PPP1R21: variants seen among roughly 807,000 people sequenced by gnomAD.
The protein encoded by PPP1R21 is protein phosphatase 1 regulatory subunit 21.
A neutral mutation model predicts 112.8 loss-of-function variants in PPP1R21; 85 were observed. That is an observed-to-expected ratio of 0.75 (90% CI 0.63 to 0.90). The LOEUF is 0.90. PPP1R21 is among the 40% of genes least tolerant of loss of function. The pLI, the probability that PPP1R21 is intolerant of heterozygous loss-of-function variation, is 0.00. For synonymous variants in PPP1R21, 381 were observed against 322.3 expected (o/e 1.18, Z -1.95); for missense variants, 1,199 against 901.5 (o/e 1.33, Z -4.23).
chr2:48,511,568 A>G, intron 21 of PPP1R21, 100 bp downstream of exon 21: 1 of 1,435,056 alleles, frequency 7.0e-7, no homozygotes. Flanking sequence ...TAAGATTTAA[A>G]GTGTTTGTAA....
At chr2:48,460,523 G>T (rs562534535) in intron 6 of PPP1R21, among the ~76,000 whole-genome samples, 4 of 152,106 alleles carry the variant, frequency 2.6e-5, no homozygotes, top group Non-Finnish European at 5.9e-5. Context: ...TAAAATAGAG[G>T]TTATGCGATC....
intron 19 of PPP1R21, among the ~76,000 whole-genome samples, chr2:48,508,348 T>C (rs76142968): frequency 0.017 from 2,520 of 152,322 alleles, 60 homozygotes; most frequent in African/African-American, 0.055. Context: ...AAACCCTTTA[T>C]TGAGACCTGA....
At chr2:48,514,494 G>T (rs998742565) in intron 21 of PPP1R21, among the ~76,000 whole-genome samples, 9 of 152,076 alleles carry the variant, frequency 5.9e-5, no homozygotes, top group Non-Finnish European at 1.2e-4. Context: ...CCTCAGCCCC[G>T]AGAGGGATAG....
At chr2:48,494,810 G>A (rs377461536) in intron 15 of PPP1R21, among the ~76,000 whole-genome samples, 1 of 151,862 alleles carries the variant, frequency 6.6e-6, no homozygotes, top group Non-Finnish European at 1.5e-5. Context: ...CTCTGCCTTC[G>A]GGGTTCAAAG....
intron 14 of PPP1R21, among the ~76,000 whole-genome samples, chr2:48,487,846 C>G (rs1227490930): frequency 6.6e-6 from 1 of 151,750 alleles, no homozygotes; most frequent in Admixed American, 6.6e-5. Flanking sequence ...GTTCATGTGG[C>G]TGTCATCAAC....
Position 48,480,007 on chromosome 2 carries a change from G to A in PPP1R21, c.1309G>A (p.Val437Ile), listed in dbSNP as rs373673089. The part of the protein sequence containing the change: ...VGAALHGFHD[V>I]MKDISKHYSQ... ...TGCTGCTCTGCATGGATTTCATGAC[G>A]TTATGAAAGGTAGGCCTTGAAAAAG... The change falls in exon 13 of 22, where the codon GTT (valine) becomes ATT (isoleucine). Residue 437 changes from valine to isoleucine, a missense_variant. Transcript: ENST00000294952. 38 of 1,606,384 alleles carry A rather than the reference G, an allele frequency of 2.4e-5. No homozygotes were observed. Among genetic ancestry groups the A allele is most frequent in the African/African-American group, 1.7e-4 (13 of 74,866 alleles).
intron 9 of PPP1R21, among the ~76,000 whole-genome samples, chr2:48,467,916 T>C (rs1036547579): frequency 6.6e-6 from 1 of 152,222 alleles, no homozygotes; most frequent in South Asian, 2.1e-4. Context: ...GTCTGAAATA[T>C]GAGTCATGCC....
intron 20 of PPP1R21, among the ~76,000 whole-genome samples, chr2:48,510,653 TA>T: frequency 6.6e-6 from 1 of 152,342 alleles, no homozygotes; most frequent in East Asian, 1.9e-4. Flanking sequence ...CACACAGGAT[TA>T]GATTTTAGGC....
chr2:48,459,901 G>A lies in PPP1R21; in HGVS notation c.523G>A (p.Asp175Asn), dbSNP rs1667901236. 3.1e-6 allele frequency: 5 copies of A among 1,613,790 alleles called. No homozygotes were observed. The African/African-American group carries it at 4.0e-5, about 13-fold the overall frequency. Reference sequence around the variant, plus strand: ...GGAAACCATTGAGAAGCTGCAGAACGACAAGGCTAAACTAGAAGTAAGCCC... The same window carrying A: ...GGAAACCATTGAGAAGCTGCAGAACAACAAGGCTAAACTAGAAGTAAGCCC... ...YMETIEKLQN[D>N]KAKLEVKSQT... Residue 175 changes from aspartate to asparagine, a missense_variant, in exon 5 of 22, where the codon GAC becomes AAC. By Grantham distance (23) the Asp-to-Asn change is conservative. Coordinates refer to ENST00000294952, the MANE Select transcript of PPP1R21 (RefSeq NM_001135629.3).
Position 48,474,678 on chromosome 2 carries a change from C to T in PPP1R21, c.1089-5C>T. On this transcript the variant is annotated splice_region_variant and splice_polypyrimidine_tract_variant and intron_variant, in intron 11 of 21. Coordinates refer to ENST00000294952, the MANE Select transcript of PPP1R21 (RefSeq NM_001135629.3). ...CTCACTTCTTAAAAATCTGCCTATT[C>T]CTAGTTTAGAAGAAGAATGTGAATC... The T allele has an allele frequency of 6.3e-7, 1 of 1,597,594 alleles. No individual in the cohort carries two copies. The highest frequency in any genetic ancestry group is 8.5e-7 in the Non-Finnish European group (1 of 1,173,026).
intron 2 of PPP1R21, among the ~76,000 whole-genome samples, chr2:48,454,316 C>T (rs530761942): frequency 2.6e-5 from 4 of 151,946 alleles, no homozygotes; most frequent in Admixed American, 1.3e-4. Flanking sequence ...AATTTGTAGC[C>T]TCAATCTTTG....
At chr2:48,453,816 A>G (rs1198040366) in intron 2 of PPP1R21, among the ~76,000 whole-genome samples, 1 of 152,260 alleles carries the variant, frequency 6.6e-6, no homozygotes, top group Non-Finnish European at 1.5e-5. Flanking sequence ...ATATGTCAGA[A>G]TAGTTGAAGA....
intron 1 of PPP1R21, 72 bp downstream of exon 1, chr2:48,441,082 G>C (rs1013250924): frequency 7.6e-6 from 8 of 1,056,902 alleles, no homozygotes; most frequent in Middle Eastern, 2.0e-4. Context: ...GCGACTTGTC[G>C]GGACCTAGGG....
intron 1 of PPP1R21, among the ~76,000 whole-genome samples, chr2:48,442,385 C>T (rs780893521): frequency 6.6e-6 from 1 of 152,204 alleles, no homozygotes; most frequent in Non-Finnish European, 1.5e-5. Context: ...AAGGCCATTA[C>T]AAATGGCAAG....
chr2:48,498,938 C>G (rs1330719672), intron 17 of PPP1R21, among the ~76,000 whole-genome samples: 1 of 152,190 alleles, frequency 6.6e-6, no homozygotes, highest in Non-Finnish European at 1.5e-5. Context: ...GGGAGATTCA[C>G]TGTCTGGTTA....
intron 21 of PPP1R21, among the ~76,000 whole-genome samples, chr2:48,514,121 T>A (rs1367647021): frequency 1.7e-5 from 2 of 116,100 alleles, no homozygotes; most frequent in East Asian, 2.4e-4. Flanking sequence ...TTGCTCCATC[T>A]CCCGGGTTCA....
chr2:48,495,812 A>G, intron 16 of PPP1R21, 41 bp downstream of exon 16: 1 of 1,125,072 alleles, frequency 8.9e-7, no homozygotes, highest in Non-Finnish European at 1.4e-6. Flanking sequence ...TAAAGAACAG[A>G]AATGTTAAAT....
intron 2 of PPP1R21, among the ~76,000 whole-genome samples, chr2:48,453,234 G>A (rs745933300): frequency 2.0e-5 from 3 of 151,938 alleles, no homozygotes; most frequent in South Asian, 2.1e-4. Context: ...GATTATAGGC[G>A]TGAGCCACTG....
chr2:48,472,586 A>AGC (rs1239188589), intron 11 of PPP1R21, among the ~76,000 whole-genome samples: 1 of 151,858 alleles, frequency 6.6e-6, no homozygotes, highest in Non-Finnish European at 1.5e-5. Flanking sequence ...AGGTCACATC[A>AGC]CTGCACTCCA....
Sources: allele counts gnomAD v4.1 joint callset (sites outside exome capture counted in the v4.1 genomes callset), GRCh38; gene constraint gnomAD v4.1.1; transcripts MANE v1.5; gene names NCBI Gene and HGNC (gene_info 2026-07-23, HGNC 2026-07-21).